The following ARHGAP42 variants were observed in gnomAD, a reference collection of about 807,000 sequenced individuals.
ARHGAP42 encodes the protein rho GTPase-activating protein 42.
In ARHGAP42, 63 loss-of-function variants were observed where a neutral mutation model predicts 125.0. That is an observed-to-expected ratio of 0.50 (90% CI 0.41 to 0.62). The LOEUF (loss-of-function observed/expected upper bound fraction) is 0.62. Ranked by LOEUF, ARHGAP42 falls within the 20% of genes least tolerant of loss-of-function variation. The probability of loss-of-function intolerance (pLI) is 0.00; values close to 1 mark genes in which losing one functional copy is unlikely to be tolerated. For synonymous variants in ARHGAP42, 339 were observed against 351.0 expected (o/e 0.97, Z 0.38); for missense variants, 766 against 1,024.2 (o/e 0.75, Z 3.44).
In ARHGAP42 at chr11:100,928,253, A is replaced by G. The variant is rs529926868; in HGVS notation, c.598-4903A>G. On this transcript the variant is annotated intron_variant, in intron 6 of 23. Coordinates refer to ENST00000298815, the MANE Select transcript of ARHGAP42 (RefSeq NM_152432.4). ...ACTATATAACATTTTGATTTCTTATAGTGCCTTATGGTGCTTTGTGTTTGG... is the reference window on the plus strand; with the variant it reads ...ACTATATAACATTTTGATTTCTTATGGTGCCTTATGGTGCTTTGTGTTTGG... 1.6e-4 allele frequency among the ~76,000 whole-genome samples: 25 copies of G among 152,296 alleles called. No homozygotes were observed. The South Asian group carries it at 5.2e-3, about 32-fold the overall frequency.
At chr11:100,864,143 A>G (rs1296901025) in intron 4 of ARHGAP42, among the ~76,000 whole-genome samples, 1 of 152,022 alleles carries the variant, frequency 6.6e-6, no homozygotes, top group East Asian at 1.9e-4. Context: ...GTTGCTACAT[A>G]GACCGGCTGA....
intron 3 of ARHGAP42, among the ~76,000 whole-genome samples, chr11:100,837,300 G>T (rs766542435): frequency 1.2e-4 from 18 of 152,086 alleles, no homozygotes; most frequent in Non-Finnish European, 2.2e-4. Flanking sequence ...TGTTACCACA[G>T]AATCTTTTTT....
intron 1 of ARHGAP42, among the ~76,000 whole-genome samples, chr11:100,697,675 GGTCTGT>G (rs1324286795): frequency 3.2e-4 from 49 of 152,282 alleles, no homozygotes; most frequent in African/African-American, 1.1e-3. Flanking sequence ...TTGGAAAACT[GGTCTGT>G]GTCTGTGTGT....
chr11:100,838,570 G>A (rs553338927), intron 3 of ARHGAP42, among the ~76,000 whole-genome samples: 1 of 152,138 alleles, frequency 6.6e-6, no homozygotes, highest in East Asian at 1.9e-4. Flanking sequence ...GCCAGGCATG[G>A]TGGTGTGTGC....
At chr11:100,800,979 A>T (rs1173357174) in intron 3 of ARHGAP42, among the ~76,000 whole-genome samples, 2 of 152,178 alleles carry the variant, frequency 1.3e-5, no homozygotes, top group East Asian at 1.9e-4. Context: ...GGGACCAAAA[A>T]TGTTTTAGAT....
At chr11:100,970,160 G>C (rs531119990) in intron 17 of ARHGAP42, among the ~76,000 whole-genome samples, 1 of 152,064 alleles carries the variant, frequency 6.6e-6, no homozygotes, top group South Asian at 2.1e-4. Flanking sequence ...GGCTAATTTT[G>C]TATTTTCGGT....
At chr11:100,910,801 A>G (rs994186260) in intron 4 of ARHGAP42, among the ~76,000 whole-genome samples, 1 of 151,722 alleles carries the variant, frequency 6.6e-6, no homozygotes, top group Non-Finnish European at 1.5e-5. Flanking sequence ...CTTTAATTTT[A>G]TGCTTAAACT....
chr11:100,721,712 G>A lies in ARHGAP42; in HGVS notation c.154+33880G>A, dbSNP rs559801790. On this transcript the variant is annotated intron_variant, in intron 1 of 23. Coordinates refer to ENST00000298815, the MANE Select transcript of ARHGAP42 (RefSeq NM_152432.4). The stretch of plus-strand genomic sequence containing the variant: ...TGGTCTCGAGCTCCTGACCTCAGGT[G>A]ATCTGCCCACCTTGGCCCCTCAAAG... Among the ~76,000 whole-genome samples the A allele has an allele frequency of 9.2e-5, 14 of 152,224 alleles. No homozygotes were observed. In the South Asian group the frequency reaches 2.9e-3, roughly 32 times the overall value.
At chr11:100,689,252 T>G (rs1301287650) in intron 1 of ARHGAP42, among the ~76,000 whole-genome samples, 2 of 152,222 alleles carry the variant, frequency 1.3e-5, no homozygotes, top group African/African-American at 4.8e-5. Flanking sequence ...CTTGCCACCC[T>G]ACATAAACAC....
intron 12 of ARHGAP42, among the ~76,000 whole-genome samples, chr11:100,955,085 T>C (rs569642790): frequency 6.6e-6 from 1 of 152,246 alleles, no homozygotes; most frequent in African/African-American, 2.4e-5. Context: ...GACTTTTGCT[T>C]TGTTAGCTCT....
intron 17 of ARHGAP42, among the ~76,000 whole-genome samples, chr11:100,970,520 CTGT>C (rs1858212337): frequency 2.6e-5 from 4 of 152,018 alleles, no homozygotes; most frequent in Admixed American, 2.6e-4. Context: ...GTAGATTGCT[CTGT>C]TGTTTTTGAC....
chr11:100,879,097 C>T (rs1865893699), intron 4 of ARHGAP42, among the ~76,000 whole-genome samples: 1 of 151,542 alleles, frequency 6.6e-6, no homozygotes, highest in Non-Finnish European at 1.5e-5. Context: ...TGGTCTGGGG[C>T]CAGCAGCATC....
At position 100,974,549 on chromosome 11, in the gene ARHGAP42, A is replaced by G. The variant is rs892602230; in HGVS notation, c.1801A>G (p.Thr601Ala). The change falls in exon 19 of 24, where the codon ACA (threonine) becomes GCA (alanine). Residue 601 changes from threonine to alanine, a missense_variant. Coordinates refer to ENST00000298815, the MANE Select transcript of ARHGAP42 (RefSeq NM_152432.4). ...SRRTRAICLS[T>A]GSRKPRGRYT... ...AAGGACACGAGCAATCTGCCTCTCT[A>G]CAGGGTCTAGGAAGCCCAGAGGGAG... 11 of 1,551,082 alleles carry G rather than the reference A, an allele frequency of 7.1e-6. No homozygotes were observed. The highest frequency in any genetic ancestry group is 9.6e-6 in the Non-Finnish European group (11 of 1,146,642).
chr11:100,865,200 C>T (rs1865540107), intron 4 of ARHGAP42, among the ~76,000 whole-genome samples: 1 of 152,240 alleles, frequency 6.6e-6, no homozygotes, highest in Middle Eastern at 3.4e-3. Context: ...GCTTCTGTCT[C>T]TGAACATTCG....
At chr11:100,761,772 G>A (rs1316722992) in intron 1 of ARHGAP42, among the ~76,000 whole-genome samples, 2 of 152,130 alleles carry the variant, frequency 1.3e-5, no homozygotes, top group African/African-American at 4.8e-5. Context: ...TTCATATTCT[G>A]TATTTGCCAT....
intron 4 of ARHGAP42, among the ~76,000 whole-genome samples, chr11:100,912,795 G>T (rs1056372802): frequency 6.6e-6 from 1 of 152,142 alleles, no homozygotes; most frequent in Non-Finnish European, 1.5e-5. Flanking sequence ...CAGGAACAAA[G>T]GTCGGCTATT....
At chr11:100,849,969 G>C (rs1865163382) in intron 3 of ARHGAP42, among the ~76,000 whole-genome samples, 1 of 152,174 alleles carries the variant, frequency 6.6e-6, no homozygotes, top group African/African-American at 2.4e-5. Context: ...TAATTGGGTA[G>C]AATTATGTAT....
At chr11:100,784,122 T>C (rs1171422473) in intron 2 of ARHGAP42, among the ~76,000 whole-genome samples, 1 of 152,096 alleles carries the variant, frequency 6.6e-6, no homozygotes, top group Non-Finnish European at 1.5e-5. Flanking sequence ...TTAGGTATGA[T>C]GCAGACAGAA....
At position 100,955,800 on chromosome 11, in the gene ARHGAP42, T is replaced by G. The variant is rs528885400; in HGVS notation, c.1163-4083T>G. ...TTGAACATGAAAGAGTTCCCGGGTGTTTTTGATTTTTTGTTTTTTGTTTTG... is the reference window on the plus strand; with the variant it reads ...TTGAACATGAAAGAGTTCCCGGGTGGTTTTGATTTTTTGTTTTTTGTTTTG... On this transcript the variant is annotated intron_variant, in intron 12 of 23. Transcript: ENST00000298815. Among the ~76,000 whole-genome samples the G allele has an allele frequency of 0.011, 368 of 33,532 alleles. 8 individuals carry two copies. The Admixed American group carries it at 0.12, about 11-fold the overall frequency. The allele number at this position is 33,532 out of a possible 152,430, so 22.0% of individuals were successfully genotyped here.
Sources: allele counts gnomAD v4.1 joint callset (sites outside exome capture counted in the v4.1 genomes callset), GRCh38; gene constraint gnomAD v4.1.1; transcripts MANE v1.5; gene names NCBI Gene and HGNC (gene_info 2026-07-23, HGNC 2026-07-21).